UNC5B: variants seen among roughly 807,000 people sequenced by gnomAD.
The protein encoded by UNC5B is netrin receptor UNC5B.
Under a neutral mutation model 103.7 loss-of-function variants are expected in UNC5B, and 56 were observed. That is an observed-to-expected ratio of 0.54 (90% CI 0.44 to 0.67). The LOEUF is 0.67. Among genes scored for constraint, UNC5B ranks in the 30% least tolerant of loss-of-function variants. UNC5B has a pLI of 0.00. For synonymous variants in UNC5B, 577 were observed against 542.0 expected, an observed-to-expected ratio of 1.06 and a Z score of -0.90; for missense variants, 1,194 against 1,284.5, an observed-to-expected ratio of 0.93 and a Z score of 1.08.
At chr10:71,239,410 C>T (rs1443683662) in intron 1 of UNC5B, among the ~76,000 whole-genome samples, 4 of 150,188 alleles carry the variant, frequency 2.7e-5, no homozygotes, top group Admixed American at 2.0e-4. Context: ...GGGTGGCCAT[C>T]GAGTTCGGGT....
chr10:71,266,196 G>T (rs2132285829), intron 1 of UNC5B, among the ~76,000 whole-genome samples: 1 of 152,234 alleles, frequency 6.6e-6, no homozygotes, highest in South Asian at 2.1e-4. Context: ...GCTGTGAGGG[G>T]AACCAGGCTC....
chr10:71,287,026 T>G (rs1845106847), intron 5 of UNC5B, among the ~76,000 whole-genome samples, 157 bp downstream of exon 5: 1 of 152,186 alleles, frequency 6.6e-6, no homozygotes, highest in South Asian at 2.1e-4. Context: ...ATGGCCAAGT[T>G]GGGCATTCCT....
chr10:71,284,855 G>C lies in UNC5B; in HGVS notation c.440G>C (p.Arg147Pro). Residue 147 changes from arginine (R) to proline (P), a missense_variant, in exon 3 of 17, where the codon CGC (arginine) becomes CCC (proline). Coordinates refer to ENST00000335350, the MANE Select transcript of UNC5B (RefSeq NM_170744.5). ...ACCAAGAGTCGCCGAGCCTACGTCCGCATCGCCTGTACGCCACCCTGACCC... is the reference window on the plus strand; with the variant it reads ...ACCAAGAGTCGCCGAGCCTACGTCCCCATCGCCTGTACGCCACCCTGACCC... The part of the protein sequence containing the change: ...GTTKSRRAYV[R>P]IAYLRKNFDQ... 1 of 1,604,830 alleles carries C rather than the reference G, an allele frequency of 6.2e-7. No homozygotes were observed. The highest frequency in any genetic ancestry group is 8.5e-7 in the Non-Finnish European group (1 of 1,175,660).
At chr10:71,293,664 C>T in intron 12 of UNC5B, 36 bp from the exon 13 acceptor site, 2 of 1,601,742 alleles carry the variant, frequency 1.2e-6, no homozygotes, top group Non-Finnish European at 1.7e-6. Context: ...GCCTGAATAA[C>T]TGTGACCACT....
At chr10:71,284,051 A>C (rs184207615) in intron 2 of UNC5B, among the ~76,000 whole-genome samples, 3 of 152,334 alleles carry the variant, frequency 2.0e-5, no homozygotes, top group East Asian at 3.9e-4. Context: ...AGTCCAGCTA[A>C]TGGTGGGTGC....
At chr10:71,285,551 A>T in intron 4 of UNC5B, 122 bp downstream of exon 4, 1 of 857,878 alleles carries the variant, frequency 1.2e-6, no homozygotes, top group Non-Finnish European at 1.8e-6. Flanking sequence ...CCTTTCGCAG[A>T]TGAGATCGAG....
intron 9 of UNC5B, 27 bp downstream of exon 9, chr10:71,291,136 G>T (rs1230160822): frequency 6.3e-7 from 1 of 1,598,730 alleles, no homozygotes; most frequent in South Asian, 1.1e-5. Context: ...GTCTGGGGTG[G>T]TTGGCAGAGG....
chr10:71,275,026 C>A (rs1477338027), intron 1 of UNC5B, among the ~76,000 whole-genome samples: 1 of 152,186 alleles, frequency 6.6e-6, no homozygotes, highest in African/African-American at 2.4e-5. Context: ...AACTCCAGGG[C>A]CTGGGAGAGA....
intron 1 of UNC5B, among the ~76,000 whole-genome samples, chr10:71,239,049 GGGAT>G (rs1843832323): frequency 6.6e-6 from 1 of 152,102 alleles, no homozygotes; most frequent in African/African-American, 2.4e-5. Flanking sequence ...GAGCTGTCCT[GGGAT>G]GGTGGAAGAG....
chr10:71,216,049 G>A (rs1212443401), intron 1 of UNC5B, among the ~76,000 whole-genome samples: 3 of 151,946 alleles, frequency 2.0e-5, no homozygotes, highest in Non-Finnish European at 4.4e-5. Context: ...CCACAAACAG[G>A]GAATTCTGTA....
chr10:71,293,597 G>T (rs1201385363), intron 12 of UNC5B, 24 bp downstream of exon 12: 1 of 1,613,074 alleles, frequency 6.2e-7, no homozygotes, highest in Non-Finnish European at 8.5e-7. Flanking sequence ...GTGAAGGCTG[G>T]CCCAGCTCTC....
chr10:71,293,949 G>C lies in UNC5B; in HGVS notation c.2175+16G>C. On this transcript the variant is annotated intron_variant, in intron 13 of 16. Coordinates refer to ENST00000335350, the MANE Select transcript of UNC5B (RefSeq NM_170744.5). ...AGCACTGAAGGTAGGGCCAGCTGCA[G>C]GTGCCCACACAGCCCTGGCCGGCCA... is the stretch of plus-strand genomic sequence containing the variant. 6.3e-7 allele frequency: 1 copy of C among 1,577,414 alleles called. No homozygotes were observed. Among genetic ancestry groups the C allele is most frequent in the Non-Finnish European group, 8.6e-7 (1 of 1,166,162 alleles).
At chr10:71,246,544 G>A (rs1844042434) in intron 1 of UNC5B, among the ~76,000 whole-genome samples, 1 of 152,090 alleles carries the variant, frequency 6.6e-6, no homozygotes, top group South Asian at 2.1e-4. Context: ...CAATCAGTGG[G>A]TACAGGATTG....
chr10:71,294,027 G>A (rs1043263238), intron 13 of UNC5B, 94 bp downstream of exon 13: 1 of 1,174,892 alleles, frequency 8.5e-7, no homozygotes, highest in Non-Finnish European at 1.2e-6. Flanking sequence ...GTCCTCCCAG[G>A]AACCCCTCCC....
chr10:71,250,231 C>G (rs1264839544), intron 1 of UNC5B, among the ~76,000 whole-genome samples: 2 of 152,222 alleles, frequency 1.3e-5, no homozygotes, highest in Non-Finnish European at 2.9e-5. Context: ...GACATCAGAA[C>G]TCCTTTCCCC....
At chr10:71,248,297 C>G (rs1844084812) in intron 1 of UNC5B, among the ~76,000 whole-genome samples, 1 of 152,100 alleles carries the variant, frequency 6.6e-6, no homozygotes, top group Admixed American at 6.5e-5. Flanking sequence ...AGCACTTTCC[C>G]AAGCAGGGAC....
At chr10:71,245,407 G>GC (rs1483606538) in intron 1 of UNC5B, among the ~76,000 whole-genome samples, 1 of 152,174 alleles carries the variant, frequency 6.6e-6, no homozygotes, top group Non-Finnish European at 1.5e-5. Context: ...GCTGAGTCTG[G>GC]CAGGGGGGAC....
intron 13 of UNC5B, among the ~76,000 whole-genome samples, chr10:71,295,239 TG>T (rs1845376447): frequency 6.6e-6 from 1 of 152,232 alleles, no homozygotes; most frequent in South Asian, 2.1e-4. Flanking sequence ...CTCTTGGTCC[TG>T]GGGCGTTGGC....
intron 1 of UNC5B, among the ~76,000 whole-genome samples, chr10:71,236,705 G>A (rs2132255143): frequency 6.6e-6 from 1 of 152,350 alleles, no homozygotes; most frequent in Non-Finnish European, 1.5e-5. Flanking sequence ...CATTAGCTGT[G>A]CCTTGGTTTC....
Sources: allele counts gnomAD v4.1 joint callset (sites outside exome capture counted in the v4.1 genomes callset), GRCh38; gene constraint gnomAD v4.1.1; transcripts MANE v1.5; gene names NCBI Gene and HGNC (gene_info 2026-07-23, HGNC 2026-07-21).